RBFOX1: variants seen among roughly 807,000 people sequenced by gnomAD.
RBFOX1 encodes the protein RNA binding fox-1 homolog 1, also known as RNA binding protein fox-1 homolog 1.
RBFOX1 carries 8 observed loss-of-function variants against 57.7 expected under a neutral mutation model. That is an observed-to-expected ratio of 0.14 (90% confidence interval 0.08 to 0.25). The LOEUF is 0.25. Ranked by LOEUF, RBFOX1 falls within the 10% of genes least tolerant of loss-of-function variation. The pLI is 1.00. For missense variants in RBFOX1, 611 were observed against 548.5 expected (o/e 1.11, Z -1.14); for synonymous variants, 326 against 222.4 (o/e 1.47, Z -4.15).
intron 4 of RBFOX1, among the ~76,000 whole-genome samples, chr16:7,259,452 G>C (rs2094830251): frequency 6.6e-6 from 1 of 151,580 alleles, no homozygotes; most frequent in Admixed American, 6.6e-5. Context: ...TCATGCCATT[G>C]CATAAAATAT....
At chr16:5,286,181 C>G (rs2063390425) in intron 1 of RBFOX1, among the ~76,000 whole-genome samples, 1 of 152,152 alleles carries the variant, frequency 6.6e-6, no homozygotes, top group South Asian at 2.1e-4. Context: ...TGTGTCAATA[C>G]TAGGGACCAT....
intron 4 of RBFOX1, among the ~76,000 whole-genome samples, chr16:5,881,730 T>G (rs1414363386): frequency 2.6e-5 from 4 of 152,026 alleles, no homozygotes; most frequent in African/African-American, 4.8e-5. Flanking sequence ...AGGCTAAAAT[T>G]TTCCCCCCAA....
chr16:6,169,975 G>A (rs1255510820), intron 1 of RBFOX1, among the ~76,000 whole-genome samples: 2 of 151,966 alleles, frequency 1.3e-5, no homozygotes, highest in Admixed American at 6.6e-5. Flanking sequence ...TACCATGTTG[G>A]CCAGGCTGGT....
chr16:5,684,734 C>T (rs899330139), intron 3 of RBFOX1, among the ~76,000 whole-genome samples: 1 of 152,190 alleles, frequency 6.6e-6, no homozygotes, highest in Non-Finnish European at 1.5e-5. Context: ...ACATCACCGC[C>T]TACTGTAATG....
intron 5 of RBFOX1, among the ~76,000 whole-genome samples, chr16:7,565,199 C>T (rs538199162): frequency 1.6e-4 from 24 of 151,998 alleles, no homozygotes; most frequent in Non-Finnish European, 3.2e-4. Flanking sequence ...AATCTTGCTT[C>T]GTTTTAAATG....
At chr16:5,546,507 G>A (rs1340362575) in intron 2 of RBFOX1, among the ~76,000 whole-genome samples, 12 of 152,176 alleles carry the variant, frequency 7.9e-5, no homozygotes. Flanking sequence ...GAGTTCAGTG[G>A]AGTAGAATAA....
chr16:5,556,760 G>T (rs1376064493), intron 2 of RBFOX1, among the ~76,000 whole-genome samples: 2 of 151,800 alleles, frequency 1.3e-5, no homozygotes, highest in Non-Finnish European at 2.9e-5. Context: ...TGGAAAGAAA[G>T]ATGCCACGAA....
intron 4 of RBFOX1, among the ~76,000 whole-genome samples, chr16:5,997,794 T>C (rs1189790362): frequency 6.6e-6 from 1 of 152,234 alleles, no homozygotes; most frequent in Non-Finnish European, 1.5e-5. Flanking sequence ...ATCCAATAAA[T>C]GAACCTGTTT....
At chr16:6,205,090 G>C (rs1022741581) in intron 1 of RBFOX1, among the ~76,000 whole-genome samples, 10 of 152,134 alleles carry the variant, frequency 6.6e-5, no homozygotes, top group Admixed American at 6.5e-4. Context: ...CAGAAGCTCT[G>C]TCACCAGGCC....
intron 1 of RBFOX1, among the ~76,000 whole-genome samples, chr16:5,385,389 G>A (rs1253606800): frequency 6.6e-6 from 1 of 152,198 alleles, no homozygotes; most frequent in Non-Finnish European, 1.5e-5. Flanking sequence ...TTTCCCTAAT[G>A]TATTGGATTA....
intron 4 of RBFOX1, among the ~76,000 whole-genome samples, chr16:7,374,111 G>A (rs1034683949): frequency 6.6e-6 from 1 of 152,196 alleles, no homozygotes; most frequent in Admixed American, 6.5e-5. Context: ...TGATGGTGTG[G>A]AACGAAGGGC....
intron 3 of RBFOX1, among the ~76,000 whole-genome samples, chr16:7,047,259 T>C (rs2048304126): frequency 6.6e-6 from 1 of 152,230 alleles, no homozygotes; most frequent in Non-Finnish European, 1.5e-5. Flanking sequence ...GTGAATTTTC[T>C]TAGTTACTTT....
chr16:5,825,324 C>T (rs1232296892), intron 3 of RBFOX1, among the ~76,000 whole-genome samples: 1 of 152,212 alleles, frequency 6.6e-6, no homozygotes, highest in African/African-American at 2.4e-5. Context: ...CAGGGTACTG[C>T]AGGGACCTCC....
At chr16:5,623,012 A>C (rs566177857) in intron 3 of RBFOX1, among the ~76,000 whole-genome samples, 2 of 152,188 alleles carry the variant, frequency 1.3e-5, no homozygotes, top group Non-Finnish European at 2.9e-5. Context: ...TGCAAATACT[A>C]TGCCGCTTTG....
chr16:7,576,877 T>G (rs2093379235), intron 5 of RBFOX1, among the ~76,000 whole-genome samples: 1 of 152,208 alleles, frequency 6.6e-6, no homozygotes, highest in Non-Finnish European at 1.5e-5. Flanking sequence ...GAGAATGGAC[T>G]GGAAGCTTAG....
intron 1 of RBFOX1, among the ~76,000 whole-genome samples, chr16:5,453,061 T>A (rs1255160589): frequency 6.6e-6 from 1 of 152,216 alleles, no homozygotes. Flanking sequence ...CTTTGTCCCT[T>A]GCAACTTTCT....
chr16:5,719,132 C>T (rs955107205), intron 3 of RBFOX1, among the ~76,000 whole-genome samples: 2 of 151,652 alleles, frequency 1.3e-5, no homozygotes, highest in Admixed American at 6.6e-5. Flanking sequence ...ATCCATTAAA[C>T]GCATATAACC....
chr16:6,632,611 G>A (rs545443755), intron 2 of RBFOX1, among the ~76,000 whole-genome samples: 17 of 152,284 alleles, frequency 1.1e-4, no homozygotes, highest in African/African-American at 4.1e-4. Flanking sequence ...TAGAAGGCAG[G>A]CCTGGCCATG....
At chr16:7,217,080 T>G (rs1225975896) in intron 4 of RBFOX1, among the ~76,000 whole-genome samples, 1 of 110,410 alleles carries the variant, frequency 9.1e-6, no homozygotes, top group East Asian at 3.1e-4. Context: ...TTCCCTCTCC[T>G]CCCCTGTTTC....
Sources: allele counts gnomAD v4.1 joint callset (sites outside exome capture counted in the v4.1 genomes callset), GRCh38; gene constraint gnomAD v4.1.1; transcripts MANE v1.5; gene names NCBI Gene and HGNC (gene_info 2026-07-23, HGNC 2026-07-21).